Variants in TPGS2 observed in about 807,000 individuals in gnomAD.
TPGS2 encodes polyglutamylase subunit 2.
Under a neutral mutation model 31.1 loss-of-function variants are expected in TPGS2, and 26 were observed. The observed-to-expected ratio is 0.84, with a 90% confidence interval of 0.61 to 1.16. The LOEUF is 1.16. Among genes scored for constraint, TPGS2 ranks in the 50% most tolerant of loss-of-function variants. The pLI is 0.00. For synonymous variants in TPGS2, 130 were observed against 136.6 expected, an observed-to-expected ratio of 0.95 and a Z score of 0.34; for missense variants, 351 against 363.8, an observed-to-expected ratio of 0.96 and a Z score of 0.29.
intron 1 of TPGS2, chr18:36,823,851 T>C (rs1222480941): frequency 3.5e-5 from 34 of 985,268 alleles, no homozygotes; most frequent in Non-Finnish European, 4.0e-5. Flanking sequence ...CAAGGTGTGG[T>C]ATCTCATCAT....
chr18:36,818,815 T>TC (rs1347847920), intron 2 of TPGS2, 79 bp downstream of exon 2: 1 of 1,279,596 alleles, frequency 7.8e-7, no homozygotes, highest in African/African-American at 1.5e-5. Context: ...ATATTCTTCC[T>TC]CCCCTAATCT....
In TPGS2 at chr18:36,800,287, G is replaced by A; in HGVS notation, c.407C>T (p.Pro136Leu). 6.2e-7 allele frequency: 1 copy of A among 1,614,124 alleles called. No homozygotes were observed. The highest frequency in any genetic ancestry group is 8.5e-7 in the Non-Finnish European group (1 of 1,179,996). ...HEASDDQPEKPHFDSRSVIFE... is the reference protein window; with the variant it reads ...HEASDDQPEKLHFDSRSVIFE... Reference sequence around the variant, plus strand: ...TATCACACTGCGAGAGTCAAAGTGAGGCTTCTCTGGCTGATCATCACTGGC... The same window carrying A: ...TATCACACTGCGAGAGTCAAAGTGAAGCTTCTCTGGCTGATCATCACTGGC... Residue 136 changes from proline (P) to leucine (L), a missense_variant, in exon 5 of 7, where the codon CCT becomes CTT. Pro to Leu is a moderately conservative substitution (Grantham distance 98). Transcript: ENST00000334295.
chr18:36,812,018 A>G (rs1341342805), intron 2 of TPGS2, among the ~76,000 whole-genome samples: 1 of 152,244 alleles, frequency 6.6e-6, no homozygotes, highest in African/African-American at 2.4e-5. Context: ...AGTCCAAAAC[A>G]GAAGGTTTCT....
At position 36,796,645 on chromosome 18, in the gene TPGS2, G is replaced by A; in HGVS notation, c.*160C>T. ...CAACCTGCTCTGGAGGCCTCACTAC[G>A]AGCCTGGCTAATGTCGGTGGGACTA... On this transcript the variant is annotated 3_prime_UTR_variant, in exon 7 of 7. Transcript: ENST00000334295. The A allele has an allele frequency of 1.2e-5, 17 of 1,413,618 alleles. No individual in the cohort carries two copies. Among genetic ancestry groups the A allele is most frequent in the Non-Finnish European group, 1.6e-5 (17 of 1,088,932 alleles). 87.6% of individuals were successfully genotyped at this position (1,413,618 alleles called of 1,614,324 possible). A position where few individuals can be genotyped will look rare whatever the true frequency, so the allele number is the denominator to read the frequency against.
At chr18:36,824,836 C>T (rs2046059772) in intron 1 of TPGS2, among the ~76,000 whole-genome samples, 1 of 152,138 alleles carries the variant, frequency 6.6e-6, no homozygotes, top group Non-Finnish European at 1.5e-5. Context: ...CTTAAAAGCA[C>T]AAACATTTTA....
Position 36,787,078 on chromosome 18 carries a change from A to T in TPGS2, c.658-3947T>A, listed in dbSNP as rs984361522. 2.3e-5 allele frequency: 28 copies of T among 1,232,686 alleles called. No individual in the cohort carries two copies. In the African/African-American group the frequency reaches 4.3e-4, roughly 19 times the overall value. 76.4% of individuals were successfully genotyped at this position (1,232,686 alleles called of 1,614,324 possible). Reference sequence around the variant, plus strand: ...TCTATTCATTTTGATATTATAAGTTATCTGGTGCAGATGGAAATAGGAATA... The same window carrying T: ...TCTATTCATTTTGATATTATAAGTTTTCTGGTGCAGATGGAAATAGGAATA... On this transcript the variant is annotated intron_variant, in intron 6 of 6. Coordinates refer to the TPGS2 transcript ENST00000587129.
downstream of TPGS2, among the ~76,000 whole-genome samples, chr18:36,791,762 T>A (rs2044317426): frequency 6.6e-6 from 1 of 152,162 alleles, no homozygotes; most frequent in African/African-American, 2.4e-5. Context: ...CTCGGTGTTG[T>A]GGCTCATGCC....
chr18:36,783,468 A>G (rs749555131), intron 6 of TPGS2, among the ~76,000 whole-genome samples: 3 of 152,178 alleles, frequency 2.0e-5, no homozygotes, highest in Admixed American at 6.5e-5. Context: ...AGGTGTCTGG[A>G]TTTGGGTTTC....
At chr18:36,819,861 A>C (rs1013122076) in intron 1 of TPGS2, among the ~76,000 whole-genome samples, 8 of 152,210 alleles carry the variant, frequency 5.3e-5, no homozygotes, top group African/African-American at 1.4e-4. Context: ...ACTGAAGTAG[A>C]GTAGATCCCT....
chr18:36,826,900 TC>T (rs2046165542), intron 1 of TPGS2, among the ~76,000 whole-genome samples: 1 of 152,242 alleles, frequency 6.6e-6, no homozygotes, highest in Admixed American at 6.5e-5. Context: ...TCTATCTCTA[TC>T]CCATCCTATT....
intron 1 of TPGS2, among the ~76,000 whole-genome samples, chr18:36,827,028 T>C (rs1263168656): frequency 6.6e-6 from 1 of 152,166 alleles, no homozygotes; most frequent in African/African-American, 2.4e-5. Flanking sequence ...TTATATTAAT[T>C]GATTTTTTTT....
rs34742069 is a variant in TPGS2, at chr18:36,826,404, CTGTGTGTGTGTG to C, written c.85+2267_85+2278del. On this transcript the variant is annotated intron_variant, in intron 1 of 6. Coordinates refer to ENST00000334295, the MANE Select transcript of TPGS2 (RefSeq NM_015476.4). ...GGATTGTTCATTGCTGGTGTATAGG[CTGTGTGTGTGTG>C]TGTGTGTGTGTGTGTGTGTGTGTGT... 5.7e-4 allele frequency among the ~76,000 whole-genome samples: 84 copies of C among 146,446 alleles called. 1 individual carries two copies. Among genetic ancestry groups the C allele is most frequent in the South Asian group, 8.9e-4 (4 of 4,490 alleles).
chr18:36,800,113 A>T (rs2150573198), intron 5 of TPGS2, 85 bp downstream of exon 5: 1 of 1,189,066 alleles, frequency 8.4e-7, no homozygotes, highest in Non-Finnish European at 1.2e-6. Context: ...CCAAGGAGGT[A>T]TGTGTCTCCT....
chr18:36,793,693 G>A (rs1442287773), downstream of TPGS2, among the ~76,000 whole-genome samples: 1 of 151,684 alleles, frequency 6.6e-6, no homozygotes, highest in Non-Finnish European at 1.5e-5. Flanking sequence ...TACAAATTGT[G>A]TAATTTTGGT....
downstream of TPGS2, among the ~76,000 whole-genome samples, chr18:36,793,751 T>C (rs912710187): frequency 6.0e-5 from 9 of 150,100 alleles, no homozygotes; most frequent in South Asian, 2.1e-4. Context: ...TTTTTTTTTT[T>C]CTTTGAGACA....
chr18:36,783,016 G>T, exon 7 of TPGS2: 1 of 398,402 alleles, frequency 2.5e-6, no homozygotes, highest in African/African-American at 2.1e-5. Context: ...GGAGCAGTCG[G>T]GGTGTGCCAG....
Position 36,795,743 on chromosome 18 carries a change from A to G in TPGS2, c.*1062T>C. ...ATTACAGGCAACTTGCTTCCAAAGG[A>G]ACTCTTGGAAGCCCACCCTGTTCTA... On this transcript the variant is annotated 3_prime_UTR_variant, in exon 7 of 7. Coordinates refer to ENST00000334295, the MANE Select transcript of TPGS2 (RefSeq NM_015476.4). 1 of 985,290 alleles carries G rather than the reference A, an allele frequency of 1.0e-6. No individual in the cohort carries two copies. The highest frequency in any genetic ancestry group is 4.7e-5 in the South Asian group (1 of 21,284). 61.0% of individuals were successfully genotyped at this position (985,290 alleles called of 1,614,324 possible).
chr18:36,800,375 C>T, intron 4 of TPGS2, 64 bp from the exon 5 acceptor site: 1 of 1,399,398 alleles, frequency 7.1e-7, no homozygotes. Flanking sequence ...ACCTATATAT[C>T]CAACTTTGCT....
At chr18:36,821,703 G>A (rs1193420188) in intron 1 of TPGS2, among the ~76,000 whole-genome samples, 1 of 152,204 alleles carries the variant, frequency 6.6e-6, no homozygotes, top group East Asian at 1.9e-4. Flanking sequence ...GACTGTCAGA[G>A]CCACAGGAGT....
Sources: allele counts gnomAD v4.1 joint callset (sites outside exome capture counted in the v4.1 genomes callset), GRCh38; gene constraint gnomAD v4.1.1; transcripts MANE v1.5; gene names NCBI Gene and HGNC (gene_info 2026-07-23, HGNC 2026-07-21).